Variants in ISLR2 observed in about 807,000 individuals in gnomAD.
The protein encoded by ISLR2 is immunoglobulin superfamily containing leucine-rich repeat protein 2.
A neutral mutation model predicts 25.5 loss-of-function variants in ISLR2; 16 were observed. The observed-to-expected ratio is 0.63, with a 90% CI of 0.43 to 0.95. The LOEUF is 0.95. Among genes scored for constraint, ISLR2 ranks in the 40% least tolerant of loss-of-function variants. The probability of loss-of-function intolerance (pLI) is 0.00; values close to 1 mark genes in which losing one functional copy is unlikely to be tolerated. For synonymous variants in ISLR2, 508 were observed against 486.6 expected (o/e 1.04, Z -0.58); for missense variants, 883 against 1,030.7 (o/e 0.86, Z 1.96).
chr15:74,134,555 C>T lies in ISLR2; in HGVS notation c.1801C>T (p.Leu601=), dbSNP rs546460932. Residue 601 remains leucine, a synonymous_variant, in exon 3 of 3, where the codon CTG becomes TTG. Transcript: ENST00000453268. ...CATAGTGGCAGTGAGCGTATTCCTC[C>T]TGGTGCTGGCCACAGTGCCCCTTCT... ...LVIVAVSVFL[L]VLATVPLLGA... 4.0e-5 allele frequency: 64 copies of T among 1,614,154 alleles called. 2 individuals are homozygous for T. In the South Asian group the frequency reaches 5.2e-4, roughly 13 times the overall value.
upstream of ISLR2, among the ~76,000 whole-genome samples, chr15:74,124,798 C>T (rs969202194): frequency 6.6e-6 from 1 of 152,154 alleles, no homozygotes; most frequent in Admixed American, 6.5e-5. Context: ...GGTATGTTTC[C>T]TTGGTGGCTC....
At chr15:74,118,194 T>C (rs557105081) in intron 2 of ISLR2, among the ~76,000 whole-genome samples, 10 of 152,244 alleles carry the variant, frequency 6.6e-5, no homozygotes, top group Non-Finnish European at 1.2e-4. Context: ...ACATCACATG[T>C]CAGCAGGTTC....
upstream of ISLR2, chr15:74,128,292 AG>A (rs1177261784): frequency 7.8e-6 from 3 of 385,364 alleles, no homozygotes; most frequent in African/African-American, 6.5e-5. Context: ...TGGGCTCTCC[AG>A]GGTCGAAGGC....
intron 2 of ISLR2, among the ~76,000 whole-genome samples, chr15:74,121,583 A>T (rs1161150560): frequency 6.6e-6 from 1 of 152,170 alleles, no homozygotes; most frequent in Non-Finnish European, 1.5e-5. Context: ...TGAGCCCCAC[A>T]GCACAGGAGG....
chr15:74,129,615 G>A, upstream of ISLR2: 1 of 152,596 alleles, frequency 6.6e-6, no homozygotes, highest in Non-Finnish European at 1.5e-5. The surrounding 1 kb of genome is among the most constrained non-coding windows in gnomAD (Gnocchi z 4.5). Context: ...CAAATGCCTC[G>A]ACATCGCCGC....
At chr15:74,137,062 G>A (rs2072577382), downstream of ISLR2, among the ~76,000 whole-genome samples, 1 of 152,178 alleles carries the variant, frequency 6.6e-6, no homozygotes, top group African/African-American at 2.4e-5. Context: ...AAAGGAAGGC[G>A]GGTGTCTGCA....
In ISLR2 at chr15:74,134,268, T is replaced by C; in HGVS notation, c.1514T>C (p.Leu505Pro). ...GAGGCGCGGGTGCAGCTGACTCCGC[T>C]GGCTGCGCGCTGGGGCCCTGGGCCC... The part of the protein sequence containing the change: ...EREARVQLTP[L>P]AARWGPGPGG... Residue 505 changes from leucine to proline, a missense_variant, in exon 3 of 3, where the codon CTG (leucine) becomes CCG (proline). By Grantham distance (98) the Leu-to-Pro change is moderately conservative. Transcript: ENST00000453268. 2 of 1,558,180 alleles carry C rather than the reference T, an allele frequency of 1.3e-6. No individual in the cohort carries two copies. Among genetic ancestry groups the C allele is most frequent in the Non-Finnish European group, 1.7e-6 (2 of 1,151,024 alleles).
Position 74,134,319 on chromosome 15 carries a change from C to A in ISLR2, c.1565C>A (p.Pro522His). ...GGCGGGGCTGGCGGAGCCCCGCGAC[C>A]CGGGCGGCGACCCCTGCGCCTACTC... ...GPGGAGGAPR[P>H]GRRPLRLLYL... The change falls in exon 3 of 3, where the codon CCC (proline) becomes CAC (histidine). Residue 522 changes from proline to histidine, a missense_variant. Transcript: ENST00000453268. 6.5e-7 allele frequency: 1 copy of A among 1,532,986 alleles called. No homozygotes were observed. The highest frequency in any genetic ancestry group is 2.4e-5 in the East Asian group (1 of 41,036). 95.0% of individuals were successfully genotyped at this position (1,532,986 alleles called of 1,614,324 possible).
chr15:74,108,950 T>C (rs2072144270), intron 2 of ISLR2, among the ~76,000 whole-genome samples: 1 of 152,206 alleles, frequency 6.6e-6, no homozygotes, highest in African/African-American at 2.4e-5. Context: ...GGGGCTGCTC[T>C]ATCTGGAAGG....
chr15:74,105,447 C>T (rs1480900549), intron 2 of ISLR2, among the ~76,000 whole-genome samples: 2 of 51,590 alleles, frequency 3.9e-5, no homozygotes, highest in African/African-American at 8.3e-5. Context: ...GACCGCCCCC[C>T]GCCCCGTCCC....
intron 2 of ISLR2, among the ~76,000 whole-genome samples, chr15:74,119,213 A>T (rs2072233872): frequency 6.6e-6 from 1 of 151,286 alleles, no homozygotes; most frequent in Non-Finnish European, 1.5e-5. Context: ...ATCTAGCTGT[A>T]CTCTTTTTTT....
chr15:74,114,736 A>G (rs2072197836), intron 2 of ISLR2, among the ~76,000 whole-genome samples: 1 of 152,236 alleles, frequency 6.6e-6, no homozygotes, highest in Non-Finnish European at 1.5e-5. Context: ...CAACATATAT[A>G]AAACAATAGT....
intron 1 of ISLR2, among the ~76,000 whole-genome samples, chr15:74,103,643 A>G (rs922395245): frequency 7.7e-6 from 1 of 129,118 alleles, no homozygotes; most frequent in Non-Finnish European, 1.6e-5. Context: ...AAAGAAAATT[A>G]TACTTTGATA....
chr15:74,134,435 G>A lies in ISLR2; in HGVS notation c.1681G>A (p.Gly561Ser). The A allele has an allele frequency of 6.2e-7, 1 of 1,612,054 alleles. No individual in the cohort carries two copies. Among genetic ancestry groups the A allele is most frequent in the Non-Finnish European group, 8.5e-7 (1 of 1,179,762 alleles). Reference protein sequence around the residue: ...NAYWFRGLRPGTNYSVCLALA... With the variant: ...NAYWFRGLRPSTNYSVCLALA... ...CTACTGGTTCCGCGGCCTGCGGCCG[G>A]GTACCAACTACTCCGTGTGCCTGGC... Residue 561 changes from glycine to serine, a missense_variant, in exon 3 of 3, where the codon GGT becomes AGT. Transcript: ENST00000453268.
rs1422336856 is a variant in ISLR2 at position 74,133,399 on chromosome 15, C to G, written c.645C>G (p.Pro215=). 7 of 1,607,166 alleles carry G rather than the reference C, an allele frequency of 4.4e-6. No homozygotes were observed. The highest frequency in any genetic ancestry group is 1.1e-5 in the South Asian group (1 of 91,040). ...ACTCCATTGCTTGTGCCTCGCCTCCCGCGCTGCAGGGGGTGCCGGTGTACC... is the reference window on the plus strand; with the variant it reads ...ACTCCATTGCTTGTGCCTCGCCTCCGGCGCTGCAGGGGGTGCCGGTGTACC... ...EPDSIACASP[P]ALQGVPVYRL... is the part of the protein sequence containing the mutation. Residue 215 remains proline, a synonymous_variant, in exon 3 of 3, where the codon CCC becomes CCG. Transcript: ENST00000453268.
At chr15:74,109,276 C>T (rs1422578664) in intron 2 of ISLR2, among the ~76,000 whole-genome samples, 1 of 151,898 alleles carries the variant, frequency 6.6e-6, no homozygotes, top group Non-Finnish European at 1.5e-5. Context: ...ACAGGCCACG[C>T]ATTGTGAGGG....
At chr15:74,127,476 T>C (rs2072313432), upstream of ISLR2, 1 of 152,202 alleles carries the variant, frequency 6.6e-6, no homozygotes, top group African/African-American at 2.4e-5. Context: ...ACAGCGCCTG[T>C]GTTGTGTAGT....
chr15:74,114,560 T>C (rs897694719), intron 2 of ISLR2, among the ~76,000 whole-genome samples: 22 of 149,060 alleles, frequency 1.5e-4, no homozygotes, highest in African/African-American at 5.5e-4. Flanking sequence ...GAAGTGGAGG[T>C]GGCAGTGAGC....
chr15:74,109,392 T>C (rs1395580227), intron 2 of ISLR2, among the ~76,000 whole-genome samples: 1 of 151,946 alleles, frequency 6.6e-6, no homozygotes, highest in Non-Finnish European at 1.5e-5. Flanking sequence ...AGGGCTGCAG[T>C]AGGACTACAT....
Sources: gnomAD v4.1 joint callset for allele counts (sites outside exome capture counted in the v4.1 genomes callset) on GRCh38, gnomAD v4.1.1 for gene constraint, Gnocchi (gnomAD v3.1) non-coding constraint, MANE v1.5 for transcripts, NCBI Gene and HGNC (gene_info 2026-07-23, HGNC 2026-07-21) for gene names.